Variants in FCRL1 observed in about 807,000 individuals in gnomAD.
The protein encoded by FCRL1 is Fc receptor like 1, also known as Fc receptor-like protein 1.
In FCRL1, 34 loss-of-function variants were observed where a neutral mutation model predicts 49.2. The ratio of observed to expected loss-of-function variants is 0.69; its 90% CI spans 0.53 to 0.92. The LOEUF is 0.92. FCRL1 is among the 40% of genes least tolerant of loss of function. FCRL1 has a pLI of 0.00. For synonymous variants in FCRL1, 218 were observed against 201.6 expected, an observed-to-expected ratio of 1.08 and a Z score of -0.69; for missense variants, 524 against 524.1, an observed-to-expected ratio of 1.00 and a Z score of 0.00.
In FCRL1 at chr1:157,802,388, A is replaced by T. The variant is rs1652676056; in HGVS notation, c.596T>A (p.Ile199Asn). Reference sequence around the variant, plus strand: ...GTAGTGGAACTTACTTCTGACAGTGATGCTCACCAGCCCACTGGGGCTGGG... The same window carrying T: ...GTAGTGGAACTTACTTCTGACAGTGTTGCTCACCAGCCCACTGGGGCTGGG... ...YGPSPSGLVSITVRIPVSRPI... is the reference protein window; with the variant it reads ...YGPSPSGLVSNTVRIPVSRPI... The change falls in exon 4 of 11, where the codon ATC becomes AAC. Residue 199 changes from isoleucine to asparagine, a missense_variant. By Grantham distance (149) the Ile-to-Asn change is moderately radical. Coordinates refer to ENST00000368176, the MANE Select transcript of FCRL1 (RefSeq NM_052938.5). 1.2e-6 allele frequency: 2 copies of T among 1,614,086 alleles called. No homozygotes were observed. The highest frequency in any genetic ancestry group is 1.7e-6 in the Non-Finnish European group (2 of 1,179,972).
chr1:157,803,945 G>T lies in FCRL1; in HGVS notation c.219C>A (p.Ile73=), dbSNP rs763185136. The change falls in exon 3 of 11, where the codon ATC becomes ATA. Residue 73 remains isoleucine (I), a synonymous_variant. Coordinates refer to ENST00000368176, the MANE Select transcript of FCRL1 (RefSeq NM_052938.5). ...PGWSSSPKLQ[I]AAMWKEDTGS... ...CTGTGTCTTCTTTCCACATGGCAGC[G>T]ATCTGGAGCTTGGGGGAGCTGCTCC... 10 of 1,614,026 alleles carry T rather than the reference G, an allele frequency of 6.2e-6. No individual in the cohort carries two copies. The South Asian group carries it at 7.7e-5, about 12-fold the overall frequency.
At chr1:157,798,264 GT>G (rs1217288463) in intron 7 of FCRL1, 21 bp from the exon 8 acceptor site, 3 of 1,572,952 alleles carry the variant, frequency 1.9e-6, no homozygotes, top group Admixed American at 3.7e-5. Context: ...AGAGACACAT[GT>G]TATTTATCTG....
intron 10 of FCRL1, among the ~76,000 whole-genome samples, 165 bp downstream of exon 10, chr1:157,796,936 C>T (rs541933033): frequency 6.6e-6 from 1 of 152,274 alleles, no homozygotes; most frequent in Admixed American, 6.5e-5. Context: ...ACAATGACCC[C>T]TTATTGTTGT....
In FCRL1 at chr1:157,818,675, G is replaced by A. The variant is rs138458850; in HGVS notation, c.31+1332C>T. 1.4e-4 allele frequency among the ~76,000 whole-genome samples: 21 copies of A among 152,188 alleles called. No homozygotes were observed. In the Middle Eastern group the frequency reaches 0.01, roughly 74 times the overall value. On this transcript the variant is annotated intron_variant, in intron 1 of 10. Coordinates refer to ENST00000368176, the MANE Select transcript of FCRL1 (RefSeq NM_052938.5). ...GGTGAGGCGTTGGAAAAAAAATTGGGGATGCCTGCTAGTGGGTATGGCGTT... is the reference window on the plus strand; with the variant it reads ...GGTGAGGCGTTGGAAAAAAAATTGGAGATGCCTGCTAGTGGGTATGGCGTT...
chr1:157,810,055 C>T (rs1043607602), intron 1 of FCRL1, among the ~76,000 whole-genome samples: 8 of 151,966 alleles, frequency 5.3e-5, no homozygotes, highest in Admixed American at 6.6e-5. Context: ...ATCAAATGCC[C>T]CTGAGAAATT....
intron 1 of FCRL1, among the ~76,000 whole-genome samples, 195 bp downstream of exon 1, chr1:157,819,812 T>C (rs966436577): frequency 2.6e-5 from 4 of 152,128 alleles, no homozygotes; most frequent in African/African-American, 4.8e-5. Flanking sequence ...AAATGATAGT[T>C]TTCTTGAAAA....
intron 2 of FCRL1, among the ~76,000 whole-genome samples, chr1:157,804,954 G>A (rs1470065447): frequency 6.6e-6 from 1 of 151,754 alleles, no homozygotes; most frequent in East Asian, 1.9e-4. Flanking sequence ...CAACCTCCTG[G>A]GCTCAAGCAG....
chr1:157,813,937 A>G (rs1011330641), intron 1 of FCRL1, among the ~76,000 whole-genome samples: 4 of 152,298 alleles, frequency 2.6e-5, no homozygotes, highest in Admixed American at 6.5e-5. Flanking sequence ...TGATATATTC[A>G]AAGTGCTGAA....
chr1:157,802,516 A>C lies in FCRL1; in HGVS notation c.468T>G (p.Leu156=), dbSNP rs1309446508. Residue 156 remains leucine, a synonymous_variant, in exon 4 of 11, where the codon CTT becomes CTG. Transcript: ENST00000368176. ...LWYKGAVGLN[L]QSKTQRSLTA... ...TCAGTGAACGCTGGGTCTTTGACTG[A>C]AGGTTTAAACCTACAGCCCCTTTGT... 6.2e-7 allele frequency: 1 copy of C among 1,614,060 alleles called. No individual in the cohort carries two copies. Among genetic ancestry groups the C allele is most frequent in the Non-Finnish European group, 8.5e-7 (1 of 1,180,032 alleles).
intron 2 of FCRL1, among the ~76,000 whole-genome samples, chr1:157,805,839 T>C (rs546761833): frequency 3.9e-5 from 6 of 152,132 alleles, no homozygotes; most frequent in Non-Finnish European, 5.9e-5. Flanking sequence ...GAGGTAGCAG[T>C]GAGCTGAGAT....
At chr1:157,800,704 A>G (rs187413076) in intron 6 of FCRL1, among the ~76,000 whole-genome samples, 192 of 152,344 alleles carry the variant, frequency 1.3e-3, no homozygotes, top group Admixed American at 2.2e-3. Flanking sequence ...AGGACAAGTG[A>G]GAAAGTTCCA....
In FCRL1 at chr1:157,802,630, C is replaced by A; in HGVS notation, c.354G>T (p.Gln118His). 3 of 1,613,910 alleles carry A rather than the reference C, an allele frequency of 1.9e-6. No individual in the cohort carries two copies. Among genetic ancestry groups the A allele is most frequent in the Non-Finnish European group, 2.5e-6 (3 of 1,179,910 alleles). ...VPVADVSLETQPPGGQVMEGD... is the reference protein window; with the variant it reads ...VPVADVSLETHPPGGQVMEGD... Reference sequence around the variant, plus strand: ...CCTCCATCACCTGTCCTCCTGGGGGCTGAGTCTCCAAGCTCACATCAGCGA... The same window carrying A: ...CCTCCATCACCTGTCCTCCTGGGGGATGAGTCTCCAAGCTCACATCAGCGA... Residue 118 changes from glutamine to histidine, a missense_variant, in exon 4 of 11, where the codon CAG becomes CAT. Gln to His is a conservative substitution (Grantham distance 24, BLOSUM62 0). Transcript: ENST00000368176.
chr1:157,801,371 A>G (rs868302466), intron 6 of FCRL1, 90 bp downstream of exon 6: 8 of 849,254 alleles, frequency 9.4e-6, no homozygotes, highest in East Asian at 2.4e-5. Context: ...CAGCATATAC[A>G]TCTTTTGCAG....
chr1:157,805,468 A>T (rs1653285361), intron 2 of FCRL1, among the ~76,000 whole-genome samples: 1 of 152,234 alleles, frequency 6.6e-6, no homozygotes, highest in Admixed American at 6.5e-5. Context: ...CATCAGTTCC[A>T]TCCATAGTAC....
rs1044548463 is a variant in FCRL1 at position 157,820,041 on chromosome 1, G to A, written c.-4C>T. 2.5e-6 allele frequency: 4 copies of A among 1,613,968 alleles called. No individual in the cohort carries two copies. Among genetic ancestry groups the A allele is most frequent in the Admixed American group, 3.3e-5 (2 of 60,000 alleles). On this transcript the variant is annotated 5_prime_UTR_variant, in exon 1 of 11. Transcript: ENST00000368176. ...ACAGCAACAGCCTCGGCAGCATGAG[G>A]ACCAGGTCAGGGATGGTACCTAGAG...
chr1:157,799,951 G>T, intron 7 of FCRL1, 107 bp downstream of exon 7: 1 of 906,392 alleles, frequency 1.1e-6, no homozygotes, highest in Non-Finnish European at 1.6e-6. Context: ...GTGAGTTCTG[G>T]GTATAATAAA....
At chr1:157,813,710 G>A (rs1291491085) in intron 1 of FCRL1, among the ~76,000 whole-genome samples, 2 of 152,138 alleles carry the variant, frequency 1.3e-5, no homozygotes, top group Non-Finnish European at 2.9e-5. Context: ...CAAGTCTTGG[G>A]ATGGATATGA....
At position 157,794,733 on chromosome 1, in the gene FCRL1, A is replaced by G. The variant is rs902656957; in HGVS notation, c.*1366T>C. 1 of 152,196 alleles carries G rather than the reference A, an allele frequency of 6.6e-6. No homozygotes were observed. Among genetic ancestry groups the G allele is most frequent in the Non-Finnish European group, 1.5e-5 (1 of 68,020 alleles). The allele number at this position is 152,196 out of a possible 1,614,324, so 9.4% of individuals were successfully genotyped here. ...GAGAAGGATTAAAATATATTATGATAGTACTTAATGCCACTGAATTGTACA... is the reference window on the plus strand; with the variant it reads ...GAGAAGGATTAAAATATATTATGATGGTACTTAATGCCACTGAATTGTACA... On this transcript the variant is annotated 3_prime_UTR_variant, in exon 11 of 11. Coordinates refer to ENST00000368176, the MANE Select transcript of FCRL1 (RefSeq NM_052938.5).
At chr1:157,809,194 A>C (rs1653928926) in intron 1 of FCRL1, among the ~76,000 whole-genome samples, 1 of 152,054 alleles carries the variant, frequency 6.6e-6, no homozygotes, top group Non-Finnish European at 1.5e-5. Context: ...ATAATTATAT[A>C]ATTTGGGGAA....
Sources: allele counts gnomAD v4.1 joint callset (sites outside exome capture counted in the v4.1 genomes callset), GRCh38; gene constraint gnomAD v4.1.1; transcripts MANE v1.5; gene names NCBI Gene and HGNC (gene_info 2026-07-23, HGNC 2026-07-21).